The following TERT variants were observed in gnomAD, a reference collection of about 807,000 sequenced individuals.
TERT encodes telomerase catalytic subunit.
TERT carries 42 observed loss-of-function variants against 104.0 expected under a neutral mutation model. The observed-to-expected ratio is 0.40, with a 90% CI of 0.32 to 0.52. The LOEUF (loss-of-function observed/expected upper bound fraction) is 0.52, where lower values mean the gene tolerates loss of function less well. Ranked by LOEUF, TERT falls within the 20% of genes least tolerant of loss-of-function variation. TERT has a pLI of 0.43. For synonymous variants in TERT, 781 were observed against 725.6 expected (o/e 1.08, Z -1.23); for missense variants, 1,101 against 1,610.3 (o/e 0.68, Z 5.41).
In TERT at chr5:1,265,739, G is replaced by A. The variant is rs569264400; in HGVS notation, c.2654+725C>T. 1.3e-5 allele frequency among the ~76,000 whole-genome samples: 2 copies of A among 152,166 alleles called. No homozygotes were observed. The highest frequency in any genetic ancestry group is 2.1e-4 in the South Asian group (1 of 4,816). ...CAAAGCACCTGAAACCACCCCTGGC[G>A]GCCACATTTTCTGAGGGTTCCCTTT... On this transcript the variant is annotated intron_variant, in intron 10 of 15. Coordinates refer to ENST00000310581, the MANE Select transcript of TERT (RefSeq NM_198253.3). The surrounding 1 kb of genome is among the most constrained non-coding windows in gnomAD (Gnocchi z 6.9).
rs1288895196 is a variant in TERT at position 1,274,401 on chromosome 5, A to ACTC, written c.2287-2122_2287-2121insGAG. ...AAGCCAATATATCAACACTGACGAGAGGCTGCTGAAGCAGGTCTTTAGCAC... is the reference window on the plus strand; with the variant it reads ...AAGCCAATATATCAACACTGACGAGACTCGGCTGCTGAAGCAGGTCTTTAGCAC... On this transcript the variant is annotated intron_variant, in intron 6 of 15. Coordinates refer to ENST00000310581, the MANE Select transcript of TERT (RefSeq NM_198253.3). The surrounding 1 kb of genome is among the most constrained non-coding windows in gnomAD (Gnocchi z 5.3). Among the ~76,000 whole-genome samples, 2 of 152,234 alleles carry ACTC rather than the reference A, an allele frequency of 1.3e-5. No homozygotes were observed. Among genetic ancestry groups the ACTC allele is most frequent in the African/African-American group, 4.8e-5 (2 of 41,466 alleles).
chr5:1,289,581 C>T (rs1485146009), intron 2 of TERT, among the ~76,000 whole-genome samples: 1 of 106,184 alleles, frequency 9.4e-6, no homozygotes, highest in East Asian at 2.9e-4. Context: ...CAGGGACACC[C>T]GGGGACGGCG....
At position 1,257,505 on chromosome 5, in the gene TERT, C is replaced by T. The variant is rs34461542; in HGVS notation, c.3032+1093G>A. Among the ~76,000 whole-genome samples, 197 of 152,170 alleles carry T rather than the reference C, an allele frequency of 1.3e-3. No homozygotes were observed. The highest frequency in any genetic ancestry group is 1.1e-3 in the Non-Finnish European group (73 of 67,994). ...CAGGCACGCGTCAGGGAGATGCAAA[C>T]GAGGGAAGATTTGAGGCAGAGAGAG... On this transcript the variant is annotated intron_variant, in intron 13 of 15. Coordinates refer to ENST00000310581, the MANE Select transcript of TERT (RefSeq NM_198253.3). The surrounding 1 kb of genome is among the most constrained non-coding windows in gnomAD (Gnocchi z 5.6).
chr5:1,283,819 C>T (rs575631523), intron 2 of TERT, among the ~76,000 whole-genome samples: 42 of 138,952 alleles, frequency 3.0e-4, no homozygotes, highest in African/African-American at 1.1e-3. Flanking sequence ...TCCAGCCCAC[C>T]AAGGGCCTAG....
At position 1,263,009 on chromosome 5, in the gene TERT, G is replaced by A. The variant is rs1008796241; in HGVS notation, c.2843+1395C>T. Among the ~76,000 whole-genome samples, 2 of 152,204 alleles carry A rather than the reference G, an allele frequency of 1.3e-5. No individual in the cohort carries two copies. The highest frequency in any genetic ancestry group is 2.9e-5 in the Non-Finnish European group (2 of 68,042). ...GAAGCAGGGACTGTGGGGAGCACAG[G>A]AGACCGGCATCCTTGTGGGGAGGGA... On this transcript the variant is annotated intron_variant, in intron 11 of 15. Transcript: ENST00000310581. The surrounding 1 kb of genome is among the most constrained non-coding windows in gnomAD (Gnocchi z 5.3).
intron 6 of TERT, among the ~76,000 whole-genome samples, chr5:1,277,419 T>A (rs1749674682): frequency 6.6e-6 from 1 of 152,162 alleles, no homozygotes; most frequent in Non-Finnish European, 1.5e-5. Flanking sequence ...CGTGGCGAGT[T>A]CCACAACGGA....
At chr5:1,273,873 C>T (rs367809613) in intron 6 of TERT, among the ~76,000 whole-genome samples, 6 of 152,212 alleles carry the variant, frequency 3.9e-5, no homozygotes, top group African/African-American at 1.4e-4. Flanking sequence ...CACTCGAGCT[C>T]CCGGGCCTCT....
At position 1,261,617 on chromosome 5, in the gene TERT, T is replaced by G. The variant is rs1415582241; in HGVS notation, c.2844-1017A>C. ...GACAGGTCTCGCCATCAGTTTCACG[T>G]GCGTTTCTTTGAGGGATGGGTCTCG... On this transcript the variant is annotated intron_variant, in intron 11 of 15. Transcript: ENST00000310581. This position sits in a 1 kb window ranked among gnomAD's most constrained non-coding sequence, Gnocchi z 7.4. Among the ~76,000 whole-genome samples the G allele has an allele frequency of 6.6e-6, 1 of 152,190 alleles. No individual in the cohort carries two copies. Among genetic ancestry groups the G allele is most frequent in the Admixed American group, 6.5e-5 (1 of 15,282 alleles).
At chr5:1,280,063 G>A in intron 4 of TERT, 95 bp downstream of exon 4, 1 of 1,499,534 alleles carries the variant, frequency 6.7e-7, no homozygotes, top group Non-Finnish European at 9.3e-7. Flanking sequence ...TGTGTCCCGT[G>A]GCCCCTCCTC....
Position 1,256,454 on chromosome 5 carries a change from T to A in TERT, c.3033-1043A>T, listed in dbSNP as rs34468758. On this transcript the variant is annotated intron_variant, in intron 13 of 15. Coordinates refer to ENST00000310581, the MANE Select transcript of TERT (RefSeq NM_198253.3). This position sits in a 1 kb window ranked among gnomAD's most constrained non-coding sequence, Gnocchi z 7.0. ...AGCCCCCGTGTACCTGGTCTGACCC[T>A]CTGCCTGAGCCCCCCGTGTACCTCA... Among the ~76,000 whole-genome samples the A allele has an allele frequency of 2.0e-5, 3 of 146,540 alleles. No homozygotes were observed. The highest frequency in any genetic ancestry group is 7.9e-5 in the African/African-American group (3 of 38,192).
chr5:1,289,246 G>C (rs1255424293), intron 2 of TERT, among the ~76,000 whole-genome samples: 1 of 141,132 alleles, frequency 7.1e-6, no homozygotes, highest in East Asian at 2.2e-4. Flanking sequence ...AGGGACACCC[G>C]GGGATGGCGC....
Position 1,268,340 on chromosome 5 carries a change from G to T in TERT, c.2582+180C>A, listed in dbSNP as rs572269760. On this transcript the variant is annotated intron_variant, in intron 9 of 15. Coordinates refer to ENST00000310581, the MANE Select transcript of TERT (RefSeq NM_198253.3). The surrounding 1 kb of genome is among the most constrained non-coding windows in gnomAD (Gnocchi z 5.5). ...GCTGGACAGAGCCTGCGTGGAGCCC[G>T]CAGTCCTCAGGCTGTGCAACCCCTC... Among the ~76,000 whole-genome samples, 2 of 152,344 alleles carry T rather than the reference G, an allele frequency of 1.3e-5. No individual in the cohort carries two copies. Among genetic ancestry groups the T allele is most frequent in the South Asian group, 2.1e-4 (1 of 4,826 alleles).
Position 1,256,141 on chromosome 5 carries a change from T to C in TERT, c.3033-730A>G, listed in dbSNP as rs34539509. ...TCCTCCCACTTCAGCCTCCCAAGTA[T>C]TGGAACTACAGGCGCACACCACCAT... is the stretch of plus-strand genomic sequence containing the variant. On this transcript the variant is annotated intron_variant, in intron 13 of 15. Coordinates refer to ENST00000310581, the MANE Select transcript of TERT (RefSeq NM_198253.3). The surrounding 1 kb of genome is among the most constrained non-coding windows in gnomAD (Gnocchi z 7.0). Among the ~76,000 whole-genome samples, 1,144 of 152,008 alleles carry C rather than the reference T, an allele frequency of 7.5e-3. 10 individuals carry two copies. Among genetic ancestry groups the C allele is most frequent in the African/African-American group, 0.026 (1,084 of 41,452 alleles).
At chr5:1,290,280 C>T (rs372992100) in intron 2 of TERT, among the ~76,000 whole-genome samples, 33 of 51,720 alleles carry the variant, frequency 6.4e-4, no homozygotes, top group East Asian at 1.7e-3. Flanking sequence ...TCACCCTGAA[C>T]GTGACAGGGA....
chr5:1,255,349 A>G lies in TERT; in HGVS notation c.3095T>C (p.Phe1032Ser). 6.2e-7 allele frequency: 1 copy of G among 1,614,192 alleles called. No individual in the cohort carries two copies. The highest frequency in any genetic ancestry group is 8.5e-7 in the Non-Finnish European group (1 of 1,180,024). ...GGCCGTGTCAGAGATGACGCGCAGG[A>G]AAAATGTGGGGTTCTTCCAAACTTG... ...HQQVWKNPTF[F>S]LRVISDTASL... is the part of the protein sequence containing the mutation. The change falls in exon 14 of 16, where the codon TTC becomes TCC. Residue 1032 changes from phenylalanine (F) to serine (S), a missense_variant. Around this residue, in one of 5 missense-constraint regions of TERT, gnomAD observed 463 missense variants for 797.5 expected, o/e 0.58. Transcript: ENST00000310581. The surrounding 1 kb of genome is among the most constrained non-coding windows in gnomAD (Gnocchi z 6.9).
intron 10 of TERT, 112 bp from the exon 11 acceptor site, chr5:1,264,704 AG>A (rs1244633781): frequency 5.2e-6 from 7 of 1,336,342 alleles, no homozygotes; most frequent in Non-Finnish European, 7.4e-6. Flanking sequence ...GATTTGGAGC[AG>A]GGTGCTGGGC....
intron 12 of TERT, among the ~76,000 whole-genome samples, chr5:1,258,907 G>A (rs538555752): frequency 9.8e-5 from 15 of 152,296 alleles, no homozygotes; most frequent in Non-Finnish European, 1.9e-4. Context: ...ACCAGGAGAG[G>A]GAGTGGACGC....
Position 1,278,703 on chromosome 5 carries a change from G to A in TERT, c.2224C>T (p.Arg742Cys), listed in dbSNP as rs939537185. ...IIKPQNTYCV[R>C]RYAVVQKAAH... The stretch of plus-strand genomic sequence containing the variant: ...GCCTTCTGGACCACGGCATACCGAC[G>A]CACGCAGTACGTGTTCTGGGGTTTG... Residue 742 changes from arginine to cysteine, a missense_variant, in exon 6 of 16, where the codon CGT becomes TGT. Physicochemically the swap from Arg to Cys is radical, Grantham distance 180. Transcript: ENST00000310581. 2 of 1,614,182 alleles carry A rather than the reference G, an allele frequency of 1.2e-6. No individual in the cohort carries two copies. Among genetic ancestry groups the A allele is most frequent in the Non-Finnish European group, 1.7e-6 (2 of 1,180,058 alleles).
intron 11 of TERT, 194 bp downstream of exon 11, chr5:1,264,210 T>C: frequency 1.6e-6 from 1 of 623,922 alleles, no homozygotes; most frequent in Non-Finnish European, 2.8e-6. Flanking sequence ...CTGCTCCCGT[T>C]GTGAGCACCC....
Sources: allele counts gnomAD v4.1 joint callset (sites outside exome capture counted in the v4.1 genomes callset), GRCh38; gene constraint gnomAD v4.1.1; regional missense constraint gnomAD v4.1.1; non-coding constraint Gnocchi (gnomAD v3.1); transcripts MANE v1.5; gene names NCBI Gene and HGNC (gene_info 2026-07-23, HGNC 2026-07-21).